Variants in ZNF41 observed in about 807,000 individuals in gnomAD.
ZNF41 encodes the protein zinc finger protein 41.
In ZNF41, 6 loss-of-function variants were observed where a neutral mutation model predicts 9.3. The observed-to-expected ratio is 0.65, with a 90% confidence interval of 0.35 to 1.28. The LOEUF (loss-of-function observed/expected upper bound fraction) is 1.28. ZNF41 is among the 50% of genes most tolerant of loss of function. ZNF41 has a pLI of 0.03. For synonymous variants in ZNF41, 192 were observed against 207.1 expected, an observed-to-expected ratio of 0.93 and a Z score of 0.63; for missense variants, 523 against 585.8, an observed-to-expected ratio of 0.89 and a Z score of 1.11.
intron 2 of ZNF41, among the ~76,000 whole-genome samples, chrX:47,463,311 T>C (rs984400870): frequency 1.8e-4 from 20 of 110,894 alleles, no homozygotes; most frequent in Non-Finnish European, 3.4e-4. Flanking sequence ...ATCTAACTAT[T>C]GGCTGGTTCC....
At chrX:47,459,486 T>C (rs1243249580) in intron 2 of ZNF41, among the ~76,000 whole-genome samples, 1 of 109,835 alleles carries the variant, frequency 9.1e-6, no homozygotes, top group Non-Finnish European at 1.9e-5. Flanking sequence ...CTCACACCTG[T>C]AACCCCAGCA....
At chrX:47,483,069 C>T (rs1334357720) in intron 1 of ZNF41, 26 bp downstream of exon 1, 1 of 112,549 alleles carries the variant, frequency 8.9e-6, no homozygotes, top group Admixed American at 9.3e-5. Flanking sequence ...GGCCGGGACC[C>T]CGCGCCCACC....
chrX:47,446,445 A>T lies in ZNF41; in HGVS notation c.*985T>A, dbSNP rs1335943188. 2 of 110,987 alleles carry T rather than the reference A, an allele frequency of 1.8e-5. No homozygotes were observed. The highest frequency in any genetic ancestry group is 6.5e-5 in the African/African-American group (2 of 30,568). The allele number at this position is 110,987 out of a possible 1,213,427, so 9.1% of individuals were successfully genotyped here. A position where few individuals can be genotyped will look rare whatever the true frequency, so the allele number is the denominator to read the frequency against. ...AACAAAATATTAGGAAGTGAAACTC[A>T]ATTTTTCAACCATTCTTTTTCAGGA... On this transcript the variant is annotated 3_prime_UTR_variant, in exon 5 of 5. Coordinates refer to ENST00000684689, the MANE Select transcript of ZNF41 (RefSeq NM_001324144.2).
rs2056112528 is a variant in ZNF41 at position 47,446,315 on chromosome X, A to G, written c.*1115T>C. The G allele has an allele frequency of 9.0e-6, 1 of 111,580 alleles. No individual in the cohort carries two copies. Among genetic ancestry groups the G allele is most frequent in the South Asian group, 3.7e-4 (1 of 2,686 alleles). The allele number at this position is 111,580 out of a possible 1,213,427, so 9.2% of individuals were successfully genotyped here. ...TGATAAACTGTAATTATGTCTTAGA[A>G]TAACTAATTGCAATGCAACATGACT... On this transcript the variant is annotated 3_prime_UTR_variant, in exon 5 of 5. Coordinates refer to ENST00000684689, the MANE Select transcript of ZNF41 (RefSeq NM_001324144.2).
At chrX:47,466,227 A>G (rs761014910) in intron 2 of ZNF41, among the ~76,000 whole-genome samples, 4 of 111,628 alleles carry the variant, frequency 3.6e-5, no homozygotes, top group Non-Finnish European at 5.6e-5. Context: ...GTTTAATATT[A>G]TCCTAATGAC....
chrX:47,450,116 T>C (rs772065524), intron 4 of ZNF41, among the ~76,000 whole-genome samples: 33 of 111,840 alleles, frequency 3.0e-4, no homozygotes, highest in Middle Eastern at 4.6e-3. Context: ...TTTATATCTA[T>C]AGGAAAACTA....
intron 1 of ZNF41, among the ~76,000 whole-genome samples, chrX:47,471,763 T>C (rs904996406): frequency 4.5e-4 from 50 of 111,808 alleles, no homozygotes; most frequent in African/African-American, 1.6e-3. Context: ...ATCTCAAATA[T>C]ATCAAGAATG....
At chrX:47,451,747 G>A (rs1031409062) in intron 4 of ZNF41, among the ~76,000 whole-genome samples, 10 of 112,076 alleles carry the variant, frequency 8.9e-5, no homozygotes, top group African/African-American at 1.3e-4. Context: ...ATGGTGGCAT[G>A]CACCTGTAAT....
chrX:47,450,636 C>T (rs1689541922), intron 4 of ZNF41, among the ~76,000 whole-genome samples: 1 of 112,221 alleles, frequency 8.9e-6, no homozygotes, highest in Non-Finnish European at 1.9e-5. Context: ...CCTTCTTTTA[C>T]AGGAATAGAA....
In ZNF41 at chrX:47,449,036, T is replaced by C; in HGVS notation, c.734A>G (p.His245Arg). The change falls in exon 5 of 5, where the codon CAT becomes CGT. Residue 245 changes from histidine (H) to arginine (R), a missense_variant. By Grantham distance (29) the His-to-Arg change is conservative (BLOSUM62 0). Transcript: ENST00000684689. ...NAKTGANSCE[H>R]DHYEKHLSHK... ...GCTGAGATGTTTTTCATAGTGGTCA[T>C]GTTCACAGGAATTTGCTCCTGTTTT... is the stretch of plus-strand genomic sequence containing the variant. 3 of 1,211,760 alleles carry C rather than the reference T, an allele frequency of 2.5e-6. No homozygotes were observed. Among genetic ancestry groups the C allele is most frequent in the Non-Finnish European group, 3.4e-6 (3 of 895,498 alleles).
At chrX:47,468,190 A>AG (rs774384952) in intron 1 of ZNF41, among the ~76,000 whole-genome samples, 18 of 111,270 alleles carry the variant, frequency 1.6e-4, no homozygotes, top group Non-Finnish European at 3.0e-4. Flanking sequence ...CACTCAGATA[A>AG]GGGGGAAGGA....
chrX:47,468,009 A>G (rs1452537150), intron 1 of ZNF41, among the ~76,000 whole-genome samples: 1 of 112,022 alleles, frequency 8.9e-6, no homozygotes, highest in Non-Finnish European at 1.9e-5. Context: ...TACCTGGAAC[A>G]TGCTCAACTC....
At position 47,448,437 on chromosome X, in the gene ZNF41, C is replaced by T; in HGVS notation, c.1333G>A (p.Gly445Arg). The T allele has an allele frequency of 8.3e-7, 1 of 1,211,545 alleles. No homozygotes were observed. The highest frequency in any genetic ancestry group is 1.1e-6 in the Non-Finnish European group (1 of 895,516). The change falls in exon 5 of 5, where the codon GGG becomes AGG. Residue 445 changes from glycine to arginine, a missense_variant. By Grantham distance (125) the Gly-to-Arg change is moderately radical (BLOSUM62 -2). Coordinates refer to ENST00000684689, the MANE Select transcript of ZNF41 (RefSeq NM_001324144.2). Reference sequence around the variant, plus strand: ...TGTGATTTCTGGATGAAGGCCTTCCCACAGTCAGCGCATACATAAGGTTTC... The same window carrying T: ...TGTGATTTCTGGATGAAGGCCTTCCTACAGTCAGCGCATACATAAGGTTTC... ...GEKPYVCADC[G>R]KAFIQKSHFN...
intron 4 of ZNF41, among the ~76,000 whole-genome samples, chrX:47,455,163 T>G (rs192087477): frequency 1.0e-3 from 113 of 110,135 alleles, no homozygotes; most frequent in African/African-American, 3.4e-3. Context: ...GAGAATCGCT[T>G]GAACCTGGGA....
At chrX:47,460,076 G>T (rs1377565334) in intron 2 of ZNF41, among the ~76,000 whole-genome samples, 2 of 111,347 alleles carry the variant, frequency 1.8e-5, no homozygotes, top group African/African-American at 6.5e-5. Flanking sequence ...GCGAGACTCG[G>T]TCTCTACAAA....
chrX:47,478,790 G>T (rs375898380), intron 1 of ZNF41, among the ~76,000 whole-genome samples: 1 of 109,583 alleles, frequency 9.1e-6, no homozygotes, highest in African/African-American at 3.3e-5. Flanking sequence ...AAAGCTAGCC[G>T]GGCGTGGTGG....
Position 47,448,846 on chromosome X carries a change from G to A in ZNF41, c.924C>T (p.Phe308=), listed in dbSNP as rs2056238004. 2 of 1,209,499 alleles carry A rather than the reference G, an allele frequency of 1.7e-6. No homozygotes were observed. Among genetic ancestry groups the A allele is most frequent in the South Asian group, 1.8e-5 (1 of 56,808 alleles). The change falls in exon 5 of 5, where the codon TTC becomes TTT. Residue 308 remains phenylalanine, a synonymous_variant. Coordinates refer to ENST00000684689, the MANE Select transcript of ZNF41 (RefSeq NM_001324144.2). ...GTACATCAACCTGGGGTTTCTGGGG[G>A]AAGACTTTGTTGCTTTTGTCACATT... ...SRECDKSNKV[F]PQKPQVDVHP...
In ZNF41 at chrX:47,449,459, T is replaced by G; in HGVS notation, c.311A>C (p.Lys104Thr). ...HQSCSGEAIG[K>T]MQQQGIPGGI... is the part of the protein sequence containing the mutation. ...TCCAGGAATTCCCTGTTGCTGCATT[T>G]TCCCAATAGCCTCACCTAAAAAGAA... Residue 104 changes from lysine to threonine, a missense_variant, in exon 5 of 5, where the codon AAA (lysine) becomes ACA (threonine). Physicochemically the swap from Lys to Thr is moderately conservative, Grantham distance 78. Transcript: ENST00000684689. 1 of 1,208,610 alleles carries G rather than the reference T, an allele frequency of 8.3e-7. No homozygotes were observed. The highest frequency in any genetic ancestry group is 1.1e-6 in the Non-Finnish European group (1 of 893,763).
intron 4 of ZNF41, among the ~76,000 whole-genome samples, 185 bp downstream of exon 4, chrX:47,455,736 C>G (rs1019134950): frequency 4.5e-5 from 5 of 112,272 alleles, no homozygotes; most frequent in African/African-American, 1.6e-4. Flanking sequence ...AATAATGTGG[C>G]AAGGGTCATA....
Sources: allele counts gnomAD v4.1 joint callset (sites outside exome capture counted in the v4.1 genomes callset), GRCh38; gene constraint gnomAD v4.1.1; transcripts MANE v1.5; gene names NCBI Gene and HGNC (gene_info 2026-07-23, HGNC 2026-07-21).